The following PLOD2 variants were observed in gnomAD, a reference collection of about 807,000 sequenced individuals.
PLOD2 encodes the protein procollagen-lysine,2-oxoglutarate 5-dioxygenase 2.
PLOD2 carries 65 observed loss-of-function variants against 101.0 expected under a neutral mutation model. The ratio of observed to expected loss-of-function variants is 0.64; its 90% CI spans 0.53 to 0.79. The LOEUF (loss-of-function observed/expected upper bound fraction) is 0.79, where lower values mean the gene tolerates loss of function less well. PLOD2 is among the 30% of genes least tolerant of loss of function. The probability of loss-of-function intolerance (pLI) is 0.00; values close to 1 mark genes in which losing one functional copy is unlikely to be tolerated. For missense variants in PLOD2, 909 were observed against 914.6 expected (o/e 0.99, Z 0.08); for synonymous variants, 314 against 302.9 (o/e 1.04, Z -0.38).
intron 9 of PLOD2, among the ~76,000 whole-genome samples, chr3:146,088,096 G>T (rs1160554179): frequency 1.3e-5 from 2 of 151,550 alleles, no homozygotes; most frequent in African/African-American, 4.8e-5. Flanking sequence ...GGTATGTAGG[G>T]GGCTCTGAAT....
rs1248628916 is a variant in PLOD2, at chr3:146,070,145, T to A, written c.*572A>T. On this transcript the variant is annotated 3_prime_UTR_variant, in exon 20 of 20. Transcript: ENST00000282903. ...CAACTGTATACGCTCCTCGGTTGTGTTTTGTACCATTTTCTTGAGGAAAAC... is the reference window on the plus strand; with the variant it reads ...CAACTGTATACGCTCCTCGGTTGTGATTTGTACCATTTTCTTGAGGAAAAC... 6.6e-6 allele frequency: 1 copy of A among 151,976 alleles called. No homozygotes were observed. Among genetic ancestry groups the A allele is most frequent in the Non-Finnish European group, 1.5e-5 (1 of 67,984 alleles). The allele number at this position is 151,976 out of a possible 1,614,324, so 9.4% of individuals were successfully genotyped here.
chr3:146,123,242 T>G, intron 2 of PLOD2: 1 of 1,023,926 alleles, frequency 9.8e-7, no homozygotes, highest in Non-Finnish European at 1.2e-6. Context: ...AAAAAAAAAG[T>G]TTTTTGCTTT....
In PLOD2 at chr3:146,074,970, G is replaced by T. The variant is rs1936279454; in HGVS notation, c.1678-1618C>A. ...TTCATTGCTTACTTTCCAAAGACTT[G>T]AATTCTTACACAAATATCTACAATT... On this transcript the variant is annotated intron_variant, in intron 15 of 19. Transcript: ENST00000282903. Among the ~76,000 whole-genome samples, 3 of 151,474 alleles carry T rather than the reference G, an allele frequency of 2.0e-5. No homozygotes were observed. In the Admixed American group the frequency reaches 2.0e-4, roughly 10 times the overall value.
At chr3:146,144,117 A>G (rs2031657963) in intron 1 of PLOD2, among the ~76,000 whole-genome samples, 1 of 152,162 alleles carries the variant, frequency 6.6e-6, no homozygotes, top group African/African-American at 2.4e-5. Flanking sequence ...AACAGTACTT[A>G]TAATGGTATT....
At chr3:146,099,682 C>T (rs962711939) in intron 7 of PLOD2, among the ~76,000 whole-genome samples, 1 of 151,658 alleles carries the variant, frequency 6.6e-6, no homozygotes, top group Non-Finnish European at 1.5e-5. Flanking sequence ...TGTGAACCAC[C>T]GCACCAGCCT....
At position 146,121,157 on chromosome 3, in the gene PLOD2, T is replaced by C; in HGVS notation, c.293A>G (p.Glu98Gly). The C allele has an allele frequency of 6.2e-7, 1 of 1,608,828 alleles. No homozygotes were observed. Among genetic ancestry groups the C allele is most frequent in the South Asian group, 1.1e-5 (1 of 90,972 alleles). ...CAGATCATCTTGATCAGCATAGTGT[T>C]CCATGACTTCTTTCATTAATCTCAC... ...QKVRLMKEVM[E>G]HYADQDDLVV... The change falls in exon 3 of 20, where the codon GAA becomes GGA. Residue 98 changes from glutamate (E) to glycine (G), a missense_variant. Transcript: ENST00000282903.
At chr3:146,073,686 AAC>A (rs1936231663) in intron 15 of PLOD2, 1 of 155,492 alleles carries the variant, frequency 6.4e-6, no homozygotes, top group South Asian at 2.0e-4. Flanking sequence ...GGAGGTTAAA[AAC>A]ACACAGTACC....
chr3:146,091,523 A>G (rs1015482875), intron 8 of PLOD2, among the ~76,000 whole-genome samples: 9 of 151,900 alleles, frequency 5.9e-5, no homozygotes, highest in African/African-American at 1.7e-4. Flanking sequence ...CTAAGCTAAC[A>G]GAATAAACAC....
chr3:146,079,942 C>A (rs1421346922), intron 12 of PLOD2, among the ~76,000 whole-genome samples: 1 of 151,984 alleles, frequency 6.6e-6, no homozygotes, highest in African/African-American at 2.4e-5. Flanking sequence ...AACGTTGCAT[C>A]CTTTCCCACA....
At chr3:146,076,016 GT>G (rs1936320596) in intron 15 of PLOD2, 1 of 151,606 alleles carries the variant, frequency 6.6e-6, no homozygotes, top group South Asian at 2.1e-4. Context: ...TGATGCTAAG[GT>G]TTAGGGTATG....
intron 12 of PLOD2, among the ~76,000 whole-genome samples, chr3:146,080,609 T>C (rs1423754748): frequency 6.6e-6 from 1 of 152,064 alleles, no homozygotes; most frequent in African/African-American, 2.4e-5. Flanking sequence ...ATTTTTTTCC[T>C]TATACTTTAG....
At chr3:146,103,819 G>A (rs1031397624) in intron 6 of PLOD2, among the ~76,000 whole-genome samples, 7 of 118,568 alleles carry the variant, frequency 5.9e-5, no homozygotes, top group African/African-American at 1.2e-4. Flanking sequence ...ATATCCACAC[G>A]AGCATGTACA....
At chr3:146,083,235 T>G (rs564047641) in intron 11 of PLOD2, among the ~76,000 whole-genome samples, 1 of 152,276 alleles carries the variant, frequency 6.6e-6, no homozygotes, top group Admixed American at 6.5e-5. Context: ...AGCTGAGGAA[T>G]GATTCATATT....
intron 13 of PLOD2, 127 bp downstream of exon 13, chr3:146,078,989 A>T: frequency 1.1e-6 from 1 of 886,320 alleles, no homozygotes; most frequent in South Asian, 1.4e-5. Context: ...TTTAACACAG[A>T]ACCAAAAAAA....
chr3:146,086,724 T>G, intron 10 of PLOD2, 63 bp downstream of exon 10: 1 of 1,191,242 alleles, frequency 8.4e-7, no homozygotes, highest in Non-Finnish European at 1.2e-6. Context: ...TTTAAAAGTT[T>G]ATTTTTTCTT....
chr3:146,143,939 T>C (rs1015844110), intron 1 of PLOD2, among the ~76,000 whole-genome samples: 2 of 151,962 alleles, frequency 1.3e-5, no homozygotes, highest in Admixed American at 6.6e-5. Context: ...CCCCTCCTTG[T>C]CCCTAATGCA....
At chr3:146,129,696 G>A (rs536360879) in intron 1 of PLOD2, among the ~76,000 whole-genome samples, 1 of 152,282 alleles carries the variant, frequency 6.6e-6, no homozygotes, top group Admixed American at 6.5e-5. Context: ...AACTCAGCGA[G>A]TTATAACTCC....
intron 12 of PLOD2, among the ~76,000 whole-genome samples, chr3:146,080,517 CACACAT>C (rs975782119): frequency 1.3e-5 from 2 of 151,118 alleles, no homozygotes; most frequent in African/African-American, 4.9e-5. Context: ...CTTATACACA[CACACAT>C]ACACACACAC....
intron 1 of PLOD2, among the ~76,000 whole-genome samples, chr3:146,154,474 CAA>C (rs35748974): frequency 4.8e-4 from 68 of 140,966 alleles, no homozygotes; most frequent in East Asian, 1.7e-3. Flanking sequence ...AAAAGAACAG[CAA>C]AAAAAAAAAA....
Sources: allele counts gnomAD v4.1 joint callset (sites outside exome capture counted in the v4.1 genomes callset), GRCh38; gene constraint gnomAD v4.1.1; transcripts MANE v1.5; gene names NCBI Gene and HGNC (gene_info 2026-07-23, HGNC 2026-07-21).